The following CNOT10 variants were observed in gnomAD, a reference collection of about 807,000 sequenced individuals.
CNOT10 encodes CCR4-NOT transcription complex subunit 10, also known as CCR4-NOT transcription complex, subunit 10.
CNOT10 carries 30 observed loss-of-function variants against 94.6 expected under a neutral mutation model. That is an observed-to-expected ratio of 0.32 (90% CI 0.24 to 0.43). CNOT10 has a LOEUF of 0.43. Among genes scored for constraint, CNOT10 ranks in the 20% least tolerant of loss-of-function variants. The pLI is 1.00. For synonymous variants in CNOT10, 289 were observed against 301.6 expected (o/e 0.96, Z 0.43); for missense variants, 759 against 877.2 (o/e 0.87, Z 1.70).
chr3:32,704,670 T>C lies in CNOT10; in HGVS notation c.118-141T>C, dbSNP rs538889941. 20 of 880,188 alleles carry C rather than the reference T, an allele frequency of 2.3e-5. No homozygotes were observed. In the African/African-American group the frequency reaches 2.9e-4, roughly 13 times the overall value. 54.5% of individuals were successfully genotyped at this position (880,188 alleles called of 1,614,324 possible). On this transcript the variant is annotated intron_variant, in intron 2 of 18. Transcript: ENST00000328834. The stretch of plus-strand genomic sequence containing the variant: ...GACATGAATGTTGCTTTAGTGACTT[T>C]GATTAGTATATGTAGGGAAACTACA...
intron 8 of CNOT10, among the ~76,000 whole-genome samples, chr3:32,722,416 C>A (rs1413137162): frequency 6.6e-6 from 1 of 152,192 alleles, no homozygotes; most frequent in Admixed American, 6.5e-5. Flanking sequence ...GGTCCACTAA[C>A]ACACAACATG....
chr3:32,691,842 G>A (rs757562963), intron 1 of CNOT10, among the ~76,000 whole-genome samples: 3 of 151,902 alleles, frequency 2.0e-5, no homozygotes, highest in Admixed American at 6.6e-5. Context: ...GATCAGTTGA[G>A]TTCAGGAGTT....
In CNOT10 at chr3:32,760,252, T is replaced by G. The variant is rs150779125; in HGVS notation, c.1709+681T>G. Among the ~76,000 whole-genome samples, 664 of 152,300 alleles carry G rather than the reference T, an allele frequency of 4.4e-3. 6 individuals are homozygous for G. The highest frequency in any genetic ancestry group is 0.015 in the African/African-American group (642 of 41,566). ...TGTATCATTCCAGAATCAGCTAGTT[T>G]TAGTCAAACTGCAAATACTTCTTCA... On this transcript the variant is annotated intron_variant, in intron 14 of 18. Transcript: ENST00000328834.
intron 18 of CNOT10, among the ~76,000 whole-genome samples, chr3:32,770,547 G>A (rs145380861): frequency 0.085 from 12,867 of 151,728 alleles, 676 homozygotes; most frequent in Middle Eastern, 0.19. Context: ...CGATGGTCTC[G>A]ATCTCCTGAC....
At chr3:32,726,936 T>A (rs1290764829) in intron 9 of CNOT10, among the ~76,000 whole-genome samples, 1 of 143,530 alleles carries the variant, frequency 7.0e-6, no homozygotes, top group Non-Finnish European at 1.5e-5. Flanking sequence ...ATCCTCCACG[T>A]CCCAGGTTCA....
intron 13 of CNOT10, among the ~76,000 whole-genome samples, chr3:32,750,936 C>G (rs1299488120): frequency 6.6e-6 from 1 of 152,142 alleles, no homozygotes; most frequent in East Asian, 1.9e-4. Context: ...TATAGAACAT[C>G]TTTGTTATTC....
intron 5 of CNOT10, among the ~76,000 whole-genome samples, chr3:32,714,209 T>A (rs1442777196): frequency 6.6e-6 from 1 of 152,120 alleles, no homozygotes; most frequent in Admixed American, 6.6e-5. Flanking sequence ...ATTAGCTATC[T>A]TAGGGGGTGT....
chr3:32,706,981 T>C lies in CNOT10; in HGVS notation c.280-1689T>C, dbSNP rs370093884. 1.2e-4 allele frequency among the ~76,000 whole-genome samples: 19 copies of C among 152,312 alleles called. No individual in the cohort carries two copies. The East Asian group carries it at 2.3e-3, about 19-fold the overall frequency. ...GTCCAGTTACAAAATTTACAATTCATTGTGTGTAGTGAACCTTCAGGTTCC... is the reference window on the plus strand; with the variant it reads ...GTCCAGTTACAAAATTTACAATTCACTGTGTGTAGTGAACCTTCAGGTTCC... On this transcript the variant is annotated intron_variant, in intron 3 of 18. Coordinates refer to ENST00000328834, the MANE Select transcript of CNOT10 (RefSeq NM_015442.3).
At chr3:32,769,625 C>G (rs753952593) in intron 17 of CNOT10, 7 of 385,750 alleles carry the variant, frequency 1.8e-5, no homozygotes, top group Admixed American at 3.7e-5. Flanking sequence ...TGAAAGCCAC[C>G]AGCAGAATTG....
intron 10 of CNOT10, among the ~76,000 whole-genome samples, chr3:32,731,976 G>A (rs1289418475): frequency 6.6e-6 from 1 of 152,162 alleles, no homozygotes; most frequent in Non-Finnish European, 1.5e-5. Flanking sequence ...CTACTCAGGA[G>A]GCTGAGGCAG....
chr3:32,759,148 TG>T (rs1700335572), intron 13 of CNOT10, among the ~76,000 whole-genome samples: 1 of 152,102 alleles, frequency 6.6e-6, no homozygotes, highest in Non-Finnish European at 1.5e-5. Flanking sequence ...TGTGTGTGTG[TG>T]TGTGTATTTA....
intron 13 of CNOT10, among the ~76,000 whole-genome samples, chr3:32,741,541 G>A (rs146554819): frequency 0.039 from 5,957 of 152,074 alleles, 183 homozygotes; most frequent in African/African-American, 0.078. Context: ...CGGCCGAGGC[G>A]AGCGGATCAC....
In CNOT10 at chr3:32,757,233, G is replaced by A. The variant is rs1373841763; in HGVS notation, c.1596-2225G>A. On this transcript the variant is annotated intron_variant, in intron 13 of 18. Coordinates refer to ENST00000328834, the MANE Select transcript of CNOT10 (RefSeq NM_015442.3). The stretch of plus-strand genomic sequence containing the variant: ...TCACTCTTGTTGCCCAGGCTGGAGC[G>A]CAATGGCGTGATCTCAGCTTACCGC... Among the ~76,000 whole-genome samples the A allele has an allele frequency of 1.1e-4, 14 of 128,112 alleles. No homozygotes were observed. The East Asian group carries it at 1.5e-3, about 13-fold the overall frequency. The allele number at this position is 128,112 out of a possible 152,430, so 84.0% of individuals were successfully genotyped here. A position where few individuals can be genotyped will look rare whatever the true frequency, so the allele number is the denominator to read the frequency against.
chr3:32,693,424 C>T (rs1443707969), intron 1 of CNOT10: 1 of 151,830 alleles, frequency 6.6e-6, no homozygotes, highest in Admixed American at 6.6e-5. Flanking sequence ...TGCCATGTAT[C>T]CCGGGCTGGT....
chr3:32,703,140 G>A (rs1427258699), intron 1 of CNOT10, among the ~76,000 whole-genome samples: 1 of 144,440 alleles, frequency 6.9e-6, no homozygotes, highest in Admixed American at 7.2e-5. Context: ...TAGCCAGGAT[G>A]GTCTCGATCT....
intron 1 of CNOT10, among the ~76,000 whole-genome samples, chr3:32,700,334 A>T (rs1006627074): frequency 2.0e-5 from 3 of 152,174 alleles, no homozygotes; most frequent in Non-Finnish European, 1.5e-5. Flanking sequence ...AGGGATGCTA[A>T]AAACTATTTA....
intron 13 of CNOT10, among the ~76,000 whole-genome samples, chr3:32,744,242 A>G (rs375164587): frequency 1.1e-4 from 17 of 152,152 alleles, no homozygotes; most frequent in African/African-American, 2.9e-4. Flanking sequence ...GATTTCATCT[A>G]TTTCTGACCT....
intron 13 of CNOT10, among the ~76,000 whole-genome samples, chr3:32,743,575 A>G (rs1269139365): frequency 3.3e-5 from 5 of 152,150 alleles, no homozygotes; most frequent in Non-Finnish European, 7.3e-5. Flanking sequence ...CAGAGGTTGC[A>G]GTGAGCCGAG....
intron 1 of CNOT10, among the ~76,000 whole-genome samples, chr3:32,689,948 G>T (rs1000396753): frequency 6.6e-6 from 1 of 152,122 alleles, no homozygotes; most frequent in African/African-American, 2.4e-5. Context: ...GTGCGACCCT[G>T]TCTCAAACAG....
Sources: gnomAD v4.1 joint callset for allele counts (sites outside exome capture counted in the v4.1 genomes callset) on GRCh38, gnomAD v4.1.1 for gene constraint, MANE v1.5 for transcripts, NCBI Gene and HGNC (gene_info 2026-07-23, HGNC 2026-07-21) for gene names.